The following MKLN1 variants were observed in gnomAD, a reference collection of about 807,000 sequenced individuals.
The protein encoded by MKLN1 is muskelin.
A neutral mutation model predicts 99.0 loss-of-function variants in MKLN1; 18 were observed. That is an observed-to-expected ratio of 0.18 (90% CI 0.13 to 0.27). The LOEUF (loss-of-function observed/expected upper bound fraction) is 0.27, where lower values mean the gene tolerates loss of function less well. Ranked by LOEUF, MKLN1 falls within the 10% of genes least tolerant of loss-of-function variation. The pLI is 1.00. For synonymous variants in MKLN1, 288 were observed against 293.2 expected, an observed-to-expected ratio of 0.98 and a Z score of 0.18; for missense variants, 621 against 875.9, an observed-to-expected ratio of 0.71 and a Z score of 3.67.
intron 2 of MKLN1, among the ~76,000 whole-genome samples, chr7:131,176,657 G>A (rs952089546): frequency 3.3e-5 from 5 of 152,210 alleles, no homozygotes; most frequent in Non-Finnish European, 5.9e-5. Flanking sequence ...TACTGTGCTG[G>A]CCAATGGAAA....
chr7:131,443,543 T>C lies in MKLN1; in HGVS notation c.1236T>C (p.Asn412=), dbSNP rs1795905568. The C allele has an allele frequency of 2.5e-6, 4 of 1,614,138 alleles. No homozygotes were observed. The highest frequency in any genetic ancestry group is 1.3e-5 in the African/African-American group (1 of 75,056). ...TTGGTGGTAGAATTTTGACTTGTAATGGCAGCGTAGATGACAGCAGAGCCA... is the reference window on the plus strand; with the variant it reads ...TTGGTGGTAGAATTTTGACTTGTAACGGCAGCGTAGATGACAGCAGAGCCA... ...YTFGGRILTC[N]GSVDDSRASE... The change falls in exon 11 of 18, where the codon AAT becomes AAC. Residue 412 remains asparagine, a synonymous_variant. Transcript: ENST00000352689.
At position 131,480,728 on chromosome 7, in the gene MKLN1, C is replaced by T. The variant is rs186924739; in HGVS notation, c.2086+2051C>T. 5.7e-3 allele frequency among the ~76,000 whole-genome samples: 871 copies of T among 152,300 alleles called. 6 individuals carry two copies. Among genetic ancestry groups the T allele is most frequent in the Non-Finnish European group, 7.0e-3 (479 of 68,022 alleles). On this transcript the variant is annotated intron_variant, in intron 17 of 17. Transcript: ENST00000352689. Reference sequence around the variant, plus strand: ...ATTATTTTGGAAAGTTCATGCCCTTCTGAATTCTAGCATTTGAAACAGATG... The same window carrying T: ...ATTATTTTGGAAAGTTCATGCCCTTTTGAATTCTAGCATTTGAAACAGATG...
chr7:131,468,109 A>G (rs888635113), intron 15 of MKLN1, among the ~76,000 whole-genome samples: 9 of 152,346 alleles, frequency 5.9e-5, no homozygotes, highest in Middle Eastern at 3.4e-3. Flanking sequence ...GAGATCAAGA[A>G]GGCATCTTAA....
Position 131,490,242 on chromosome 7 carries a change from C to G in MKLN1, c.*2514C>G, listed in dbSNP as rs1273513995. 2 of 152,518 alleles carry G rather than the reference C, an allele frequency of 1.3e-5. No individual in the cohort carries two copies. The highest frequency in any genetic ancestry group is 4.8e-5 in the African/African-American group (2 of 41,416). The allele number at this position is 152,518 out of a possible 1,614,324, so 9.4% of individuals were successfully genotyped here. A position where few individuals can be genotyped will look rare whatever the true frequency, so the allele number is the denominator to read the frequency against. On this transcript the variant is annotated 3_prime_UTR_variant, in exon 18 of 18. Transcript: ENST00000352689. ...AACAATTATTCTAGCCTAGGTGAAT[C>G]CCTAATTGAAACACCTGGCTAACAC... is the stretch of plus-strand genomic sequence containing the variant.
At chr7:131,188,025 T>C (rs1796478363) in intron 2 of MKLN1, among the ~76,000 whole-genome samples, 1 of 152,104 alleles carries the variant, frequency 6.6e-6, no homozygotes, top group Non-Finnish European at 1.5e-5. Context: ...ATCTGATAAA[T>C]AACAACCACC....
At chr7:131,388,212 G>A (rs1794088408) in intron 3 of MKLN1, among the ~76,000 whole-genome samples, 1 of 151,038 alleles carries the variant, frequency 6.6e-6, no homozygotes, top group Non-Finnish European at 1.5e-5. Context: ...GACATGGTAT[G>A]GCCCATTAAC....
intron 6 of MKLN1, among the ~76,000 whole-genome samples, chr7:131,409,194 ATT>A (rs1346104421): frequency 1.3e-5 from 2 of 152,216 alleles, no homozygotes; most frequent in African/African-American, 2.4e-5. Context: ...TGAGAATATC[ATT>A]GTTTCAATAG....
intron 8 of MKLN1, among the ~76,000 whole-genome samples, chr7:131,415,529 T>G (rs1329334688): frequency 6.6e-6 from 1 of 152,176 alleles, no homozygotes; most frequent in Non-Finnish European, 1.5e-5. Flanking sequence ...GAAATTATAA[T>G]TTTTAATTTA....
chr7:131,179,830 T>A (rs999332726), intron 2 of MKLN1, among the ~76,000 whole-genome samples: 1 of 152,164 alleles, frequency 6.6e-6, no homozygotes, highest in African/African-American at 2.4e-5. Context: ...TGCCTCGGCC[T>A]CCCAAAATGC....
chr7:131,126,953 G>T (rs1358559350), intron 1 of MKLN1, among the ~76,000 whole-genome samples: 2 of 152,070 alleles, frequency 1.3e-5, no homozygotes, highest in Non-Finnish European at 2.9e-5. Flanking sequence ...TTCACCTAAG[G>T]TTGGTAGTTT....
intron 4 of MKLN1, among the ~76,000 whole-genome samples, chr7:131,394,280 C>T (rs1177612116): frequency 6.6e-6 from 1 of 152,040 alleles, no homozygotes; most frequent in Non-Finnish European, 1.5e-5. Flanking sequence ...CACACAGCTT[C>T]CTTTATATCA....
rs567497021 is a variant in MKLN1, at chr7:131,363,759, G to GA, written c.99-11653dup. On this transcript the variant is annotated intron_variant, in intron 1 of 17. Coordinates refer to ENST00000352689, the MANE Select transcript of MKLN1 (RefSeq NM_013255.5). ...TTTTCTTTTTTTGTACCATCCCTGG[G>GA]AAAAAAAAAAAACTGTCCTGCCGTG... is the stretch of plus-strand genomic sequence containing the variant. Among the ~76,000 whole-genome samples, 950 of 139,176 alleles carry GA rather than the reference G, an allele frequency of 6.8e-3. 9 individuals carry two copies. Among genetic ancestry groups the GA allele is most frequent in the African/African-American group, 0.018 (679 of 38,182 alleles). The allele number at this position is 139,176 out of a possible 152,430, so 91.3% of individuals were successfully genotyped here.
At chr7:131,368,892 A>C (rs1800260299) in intron 1 of MKLN1, among the ~76,000 whole-genome samples, 1 of 152,126 alleles carries the variant, frequency 6.6e-6, no homozygotes, top group Admixed American at 6.6e-5. Context: ...ATAACAAGAA[A>C]ATAAGTAAAA....
At chr7:131,475,476 A>G (rs1399957419) in intron 16 of MKLN1, among the ~76,000 whole-genome samples, 1 of 152,232 alleles carries the variant, frequency 6.6e-6, no homozygotes. Context: ...GAGGAAGGCA[A>G]TACTTCTTAA....
chr7:131,311,016 A>G (rs1351081071), intron 3 of MKLN1: 1 of 152,150 alleles, frequency 6.6e-6, no homozygotes, highest in Admixed American at 6.5e-5. Flanking sequence ...AATGTTTTAA[A>G]TAAAAAGTCA....
intron 3 of MKLN1, among the ~76,000 whole-genome samples, chr7:131,315,170 C>A (rs995936066): frequency 6.6e-6 from 1 of 152,072 alleles, no homozygotes. Flanking sequence ...CAGCTCCCAG[C>A]GAGACCAATG....
rs531829674 is a variant in MKLN1, at chr7:131,268,777, A to G, written c.-179+65803A>G. On this transcript the variant is annotated intron_variant, in intron 3 of 7. Coordinates refer to the MKLN1 transcript ENST00000416992. ...ACAGCAGTTTCTGCCACATGGAAAAACAGAGAGCTCCTTAGAGCAGGCAGA... is the reference window on the plus strand; with the variant it reads ...ACAGCAGTTTCTGCCACATGGAAAAGCAGAGAGCTCCTTAGAGCAGGCAGA... Among the ~76,000 whole-genome samples, 25 of 152,342 alleles carry G rather than the reference A, an allele frequency of 1.6e-4. No individual in the cohort carries two copies. In the South Asian group the frequency reaches 5.2e-3, roughly 32 times the overall value.
At chr7:131,355,764 G>A (rs1221253994) in intron 1 of MKLN1, among the ~76,000 whole-genome samples, 2 of 150,448 alleles carry the variant, frequency 1.3e-5, no homozygotes, top group African/African-American at 4.9e-5. Flanking sequence ...GGGCTCAAGT[G>A]ATCCTCCTGT....
intron 3 of MKLN1, among the ~76,000 whole-genome samples, chr7:131,246,392 G>A (rs1797489946): frequency 6.6e-6 from 1 of 152,200 alleles, no homozygotes; most frequent in Admixed American, 6.5e-5. Context: ...GGCCCATAAA[G>A]CTTCACCCTA....
Sources: allele counts gnomAD v4.1 joint callset (sites outside exome capture counted in the v4.1 genomes callset), GRCh38; gene constraint gnomAD v4.1.1; transcripts MANE v1.5; gene names NCBI Gene and HGNC (gene_info 2026-07-23, HGNC 2026-07-21).